The following FAM227B variants were observed in gnomAD, a reference collection of about 807,000 sequenced individuals.
FAM227B encodes the protein protein FAM227B.
In FAM227B, 88 loss-of-function variants were observed where a neutral mutation model predicts 73.8. The ratio of observed to expected loss-of-function variants is 1.19; its 90% CI spans 1.00 to 1.42. The LOEUF (loss-of-function observed/expected upper bound fraction) is 1.42, where lower values mean the gene tolerates loss of function less well. Among genes scored for constraint, FAM227B ranks in the 40% most tolerant of loss-of-function variants. The pLI, the probability that FAM227B is intolerant of heterozygous loss-of-function variation, is 0.00. For synonymous variants in FAM227B, 210 were observed against 190.5 expected, an observed-to-expected ratio of 1.10 and a Z score of -0.84; for missense variants, 632 against 590.9, an observed-to-expected ratio of 1.07 and a Z score of -0.72.
At chr15:49,534,858 GA>G (rs1176920233) in intron 10 of FAM227B, among the ~76,000 whole-genome samples, 1 of 151,338 alleles carries the variant, frequency 6.6e-6, no homozygotes, top group African/African-American at 2.4e-5. Flanking sequence ...GGTCAAAGAA[GA>G]AATCAAAAGG....
At chr15:49,620,291 G>C (rs1190079090) in intron 1 of FAM227B, 1 of 152,078 alleles carries the variant, frequency 6.6e-6, no homozygotes, top group Admixed American at 6.5e-5. Flanking sequence ...AGCACTTCTA[G>C]GGCATTGTAA....
At chr15:49,494,654 A>C (rs1003746444) in intron 11 of FAM227B, among the ~76,000 whole-genome samples, 6 of 152,100 alleles carry the variant, frequency 3.9e-5, no homozygotes, top group African/African-American at 1.4e-4. Flanking sequence ...CCTGCTACAC[A>C]TTCTATGTAA....
chr15:49,456,373 G>A (rs2053289688), intron 11 of FAM227B, among the ~76,000 whole-genome samples: 1 of 152,034 alleles, frequency 6.6e-6, no homozygotes, highest in South Asian at 2.1e-4. Context: ...TGTCTTATAT[G>A]ACAAGTCATT....
chr15:49,415,907 A>T (rs2049179705), intron 11 of FAM227B, among the ~76,000 whole-genome samples: 1 of 152,168 alleles, frequency 6.6e-6, no homozygotes, highest in African/African-American at 2.4e-5. Context: ...TTTATGCCAG[A>T]GTTTAAACTA....
chr15:49,567,483 T>C (rs146068660), intron 9 of FAM227B, among the ~76,000 whole-genome samples: 101 of 152,244 alleles, frequency 6.6e-4, no homozygotes, highest in African/African-American at 2.4e-3. Flanking sequence ...GTGAGTAAGA[T>C]AGGTCAAGAT....
At chr15:49,396,728 C>T (rs1313055842) in intron 11 of FAM227B, among the ~76,000 whole-genome samples, 1 of 149,010 alleles carries the variant, frequency 6.7e-6, no homozygotes, top group East Asian at 2.0e-4. Context: ...CACCCCCCAG[C>T]AGGGGCACAC....
At chr15:49,561,959 T>A (rs897878765) in intron 9 of FAM227B, among the ~76,000 whole-genome samples, 3 of 151,788 alleles carry the variant, frequency 2.0e-5, no homozygotes, top group African/African-American at 7.3e-5. Context: ...AAAAACAATA[T>A]AACCCCAAAG....
chr15:49,460,071 T>G (rs925789281), intron 11 of FAM227B, among the ~76,000 whole-genome samples: 7 of 152,166 alleles, frequency 4.6e-5, no homozygotes, highest in African/African-American at 1.7e-4. Context: ...AACAACAAAC[T>G]TTATGTTTTT....
intron 13 of FAM227B, among the ~76,000 whole-genome samples, chr15:49,339,919 C>G (rs9806748): frequency 1.3e-5 from 2 of 151,958 alleles, no homozygotes; most frequent in Non-Finnish European, 2.9e-5. Context: ...TTACACTGTG[C>G]GGGTAAAACT....
intron 11 of FAM227B, among the ~76,000 whole-genome samples, chr15:49,462,101 AGAGT>A (rs1194571466): frequency 6.6e-6 from 1 of 152,172 alleles, no homozygotes; most frequent in Admixed American, 6.6e-5. Flanking sequence ...CCTGGGTGAC[AGAGT>A]GAGACTCCAT....
At position 49,476,232 on chromosome 15, in the gene FAM227B, G is replaced by GTTT; in HGVS notation, c.1012+31976_1012+31978dup. 3.1e-4 allele frequency among the ~76,000 whole-genome samples: 18 copies of GTTT among 57,448 alleles called. 1 individual carries two copies. The highest frequency in any genetic ancestry group is 4.5e-4 in the East Asian group (1 of 2,222). 37.7% of individuals were successfully genotyped at this position (57,448 alleles called of 152,430 possible). Reference sequence around the variant, plus strand: ...TTGCTGTTTTGTTTTTTTGTTTTTGGTTTTTTTTTTTTTGCATTTGGCATA... The same window carrying GTTT: ...TTGCTGTTTTGTTTTTTTGTTTTTGGTTTTTTTTTTTTTTTTGCATTTGGCATA... On this transcript the variant is annotated intron_variant, in intron 11 of 15. Transcript: ENST00000299338.
At chr15:49,387,774 C>T (rs1046227034) in intron 11 of FAM227B, among the ~76,000 whole-genome samples, 4 of 151,728 alleles carry the variant, frequency 2.6e-5, no homozygotes, top group African/African-American at 7.3e-5. Flanking sequence ...TAAACGAATT[C>T]AGTAAAGTCT....
chr15:49,558,224 T>G (rs2073923554), intron 9 of FAM227B, among the ~76,000 whole-genome samples: 1 of 152,140 alleles, frequency 6.6e-6, no homozygotes, highest in Non-Finnish European at 1.5e-5. Flanking sequence ...ACACTGCTCC[T>G]TGCAAGGCAG....
intron 10 of FAM227B, among the ~76,000 whole-genome samples, chr15:49,536,092 A>G (rs1245773442): frequency 2.1e-5 from 3 of 144,484 alleles, no homozygotes; most frequent in Non-Finnish European, 3.1e-5. Flanking sequence ...AAAAAAAAAG[A>G]AAAAAGAAAG....
intron 11 of FAM227B, among the ~76,000 whole-genome samples, chr15:49,470,245 T>TAACACTGGG (rs5812487): frequency 0.92 from 139,563 of 151,656 alleles, 65,331 homozygotes; most frequent in East Asian, 1. Flanking sequence ...TATAATTCTT[T>TAACACTGGG]AACACTGGGA....
intron 11 of FAM227B, among the ~76,000 whole-genome samples, chr15:49,379,662 T>C (rs901826594): frequency 3.3e-5 from 5 of 152,202 alleles, no homozygotes; most frequent in African/African-American, 1.2e-4. Context: ...TGTATTTGGA[T>C]GATTTTAGAC....
chr15:49,593,208 C>T (rs2076687314), intron 3 of FAM227B, among the ~76,000 whole-genome samples: 1 of 152,122 alleles, frequency 6.6e-6, no homozygotes, highest in Admixed American at 6.5e-5. Flanking sequence ...TCCAACCAGT[C>T]CCAATGAGAT....
intron 11 of FAM227B, among the ~76,000 whole-genome samples, chr15:49,408,971 A>G (rs887342607): frequency 6.6e-5 from 10 of 152,286 alleles, no homozygotes; most frequent in Non-Finnish European, 1.3e-4. Flanking sequence ...AGAATTTGAA[A>G]TACATATTTT....
chr15:49,551,537 G>A (rs1873469432), intron 9 of FAM227B, among the ~76,000 whole-genome samples: 1 of 152,070 alleles, frequency 6.6e-6, no homozygotes, highest in African/African-American at 2.4e-5. Context: ...AATGAGTCTT[G>A]TTTTTTCATC....
Sources: allele counts gnomAD v4.1 joint callset (sites outside exome capture counted in the v4.1 genomes callset), GRCh38; gene constraint gnomAD v4.1.1; transcripts MANE v1.5; gene names NCBI Gene and HGNC (gene_info 2026-07-23, HGNC 2026-07-21).